The following SETBP1 variants were observed in gnomAD, a reference collection of about 807,000 sequenced individuals.
SETBP1 encodes the protein SET-binding protein.
SETBP1 carries 9 observed loss-of-function variants against 101.0 expected under a neutral mutation model. That is an observed-to-expected ratio of 0.09 (90% CI 0.05 to 0.16). The LOEUF (loss-of-function observed/expected upper bound fraction) is 0.16, where lower values mean the gene tolerates loss of function less well. Among genes scored for constraint, SETBP1 ranks in the 10% least tolerant of loss-of-function variants. SETBP1 has a pLI of 1.00. For missense variants in SETBP1, 1,858 were observed against 2,033.8 expected, an observed-to-expected ratio of 0.91 and a Z score of 1.66; for synonymous variants, 818 against 788.5, an observed-to-expected ratio of 1.04 and a Z score of -0.63.
chr18:44,800,832 T>C (rs1599145332), intron 2 of SETBP1, among the ~76,000 whole-genome samples: 1 of 152,148 alleles, frequency 6.6e-6, no homozygotes, highest in East Asian at 1.9e-4. Context: ...CATGCACACG[T>C]ATGTTTATTG....
chr18:44,861,978 C>T lies in SETBP1; in HGVS notation c.487-7252C>T, dbSNP rs2069023894. Among the ~76,000 whole-genome samples, 2 of 152,142 alleles carry T rather than the reference C, an allele frequency of 1.3e-5. 1 individual carries two copies. The highest frequency in any genetic ancestry group is 4.1e-4 in the South Asian group (2 of 4,830). ...TCATCTCAGTGAGTCTATATCAGGG[C>T]ATTTGGAGGTCTCGTCTTTCATGTG... On this transcript the variant is annotated intron_variant, in intron 2 of 5. Transcript: ENST00000649279.
chr18:45,028,222 C>G (rs1391995227), intron 4 of SETBP1, among the ~76,000 whole-genome samples: 14 of 145,196 alleles, frequency 9.6e-5, no homozygotes, highest in Non-Finnish European at 1.8e-4. Flanking sequence ...CATGTGTTCT[C>G]ATTGTTCAGT....
intron 4 of SETBP1, among the ~76,000 whole-genome samples, chr18:44,970,752 T>C (rs967256020): frequency 6.6e-6 from 1 of 152,128 alleles, no homozygotes; most frequent in African/African-American, 2.4e-5. Context: ...GGTTTCACCA[T>C]GTTGGTCAGG....
At chr18:44,754,586 G>T (rs1020380423) in intron 2 of SETBP1, among the ~76,000 whole-genome samples, 2 of 152,144 alleles carry the variant, frequency 1.3e-5, no homozygotes, top group African/African-American at 4.8e-5. Context: ...CTTTATGTCT[G>T]TGGTCTTGGC....
chr18:44,724,396 G>A (rs892156828), intron 2 of SETBP1, among the ~76,000 whole-genome samples: 19 of 152,012 alleles, frequency 1.2e-4, no homozygotes, highest in Middle Eastern at 3.2e-3. Flanking sequence ...CCCATTTAAG[G>A]GAGTTAGGAT....
intron 2 of SETBP1, among the ~76,000 whole-genome samples, chr18:44,818,831 A>G (rs1035902114): frequency 4.6e-5 from 7 of 151,578 alleles, no homozygotes; most frequent in Admixed American, 3.3e-4. Context: ...GTGCCCTTCC[A>G]CCATCTCCCT....
chr18:44,802,904 G>C (rs989788618), intron 2 of SETBP1, among the ~76,000 whole-genome samples: 2 of 151,988 alleles, frequency 1.3e-5, no homozygotes, highest in African/African-American at 4.8e-5. Flanking sequence ...TTTTGTTTTT[G>C]TTTTGTTTTC....
At chr18:44,818,332 G>A (rs1049171564) in intron 2 of SETBP1, among the ~76,000 whole-genome samples, 2 of 152,180 alleles carry the variant, frequency 1.3e-5, no homozygotes, top group Non-Finnish European at 1.5e-5. Context: ...TTCAGAGTTC[G>A]TTGATCTCAA....
chr18:45,046,697 T>C (rs996475444), intron 5 of SETBP1, among the ~76,000 whole-genome samples: 7 of 152,238 alleles, frequency 4.6e-5, no homozygotes, highest in African/African-American at 1.2e-4. Context: ...TAGTCTTGCA[T>C]TGTGGCCAGA....
intron 4 of SETBP1, among the ~76,000 whole-genome samples, chr18:44,983,473 G>C (rs1345083635): frequency 6.6e-6 from 1 of 152,168 alleles, no homozygotes; most frequent in African/African-American, 2.4e-5. Context: ...AGATTTCCAA[G>C]GTCATAGAGC....
At chr18:44,824,327 A>C (rs1440090462) in intron 2 of SETBP1, among the ~76,000 whole-genome samples, 1 of 151,770 alleles carries the variant, frequency 6.6e-6, no homozygotes, top group African/African-American at 2.4e-5. Context: ...AGTCTCTAGC[A>C]CTCTACCCTG....
chr18:45,032,546 A>G (rs2073317829), intron 4 of SETBP1, among the ~76,000 whole-genome samples: 1 of 152,182 alleles, frequency 6.6e-6, no homozygotes, highest in African/African-American at 2.4e-5. Flanking sequence ...CCTAGAATGA[A>G]GTAAAACTTA....
Position 44,950,933 on chromosome 18 carries a change from G to A in SETBP1, c.1593G>A (p.Arg531=). 1 of 1,614,098 alleles carries A rather than the reference G, an allele frequency of 6.2e-7. No homozygotes were observed. The highest frequency in any genetic ancestry group is 1.1e-5 in the South Asian group (1 of 91,072). The change falls in exon 4 of 6, where the codon AGG becomes AGA. Residue 531 remains arginine, a synonymous_variant. Coordinates refer to ENST00000649279, the MANE Select transcript of SETBP1 (RefSeq NM_015559.3). The part of the protein sequence containing the change: ...IQHPKFAAKR[R]WTCSKPKPST... ...ATCCAAAATTTGCTGCAAAACGAAG[G>A]TGGACTTGCAGCAAACCAAAACCTA... is the stretch of plus-strand genomic sequence containing the variant.
chr18:44,912,167 A>G (rs2070325042), intron 3 of SETBP1, among the ~76,000 whole-genome samples: 1 of 152,114 alleles, frequency 6.6e-6, no homozygotes, highest in African/African-American at 2.4e-5. Context: ...CTTTTTCTAG[A>G]TCAAACATTT....
intron 2 of SETBP1, among the ~76,000 whole-genome samples, chr18:44,736,001 T>C (rs1177814154): frequency 1.3e-5 from 2 of 152,204 alleles, no homozygotes; most frequent in African/African-American, 4.8e-5. Context: ...CAGCTGCTGC[T>C]GCCTTAGAAT....
At chr18:44,744,928 G>A (rs1183243285) in intron 2 of SETBP1, among the ~76,000 whole-genome samples, 1 of 152,122 alleles carries the variant, frequency 6.6e-6, no homozygotes. Context: ...GATTGATTTC[G>A]GGGCCTTTGT....
At position 45,022,050 on chromosome 18, in the gene SETBP1, G is replaced by C. The variant is rs35441442; in HGVS notation, c.4001-16435G>C. Among the ~76,000 whole-genome samples the C allele has an allele frequency of 7.5e-3, 1,143 of 152,288 alleles. 8 individuals are homozygous for C. The highest frequency in any genetic ancestry group is 0.013 in the Non-Finnish European group (853 of 68,024). ...CAGTTTCTACCCTTGATTCGAAAGT[G>C]TCTTAAAATTGCTTGGCCACCTTCT... On this transcript the variant is annotated intron_variant, in intron 4 of 5. Coordinates refer to ENST00000649279, the MANE Select transcript of SETBP1 (RefSeq NM_015559.3).
intron 4 of SETBP1, among the ~76,000 whole-genome samples, chr18:45,017,165 A>T (rs2072964055): frequency 6.6e-6 from 1 of 152,160 alleles, no homozygotes; most frequent in South Asian, 2.1e-4. Context: ...CCACACAGCC[A>T]GTGCTCCAGG....
At chr18:44,835,275 C>T (rs769529693) in intron 2 of SETBP1, among the ~76,000 whole-genome samples, 1 of 152,030 alleles carries the variant, frequency 6.6e-6, no homozygotes, top group African/African-American at 2.4e-5. Flanking sequence ...TCGAAGAGGC[C>T]CTTGGGTGCG....
Sources: allele counts gnomAD v4.1 joint callset (sites outside exome capture counted in the v4.1 genomes callset), GRCh38; gene constraint gnomAD v4.1.1; transcripts MANE v1.5; gene names NCBI Gene and HGNC (gene_info 2026-07-23, HGNC 2026-07-21).